The following DFFA variants were observed in gnomAD, a reference collection of about 807,000 sequenced individuals.
DFFA encodes the protein DFF45.
In DFFA, 14 loss-of-function variants were observed where a neutral mutation model predicts 28.0. That is an observed-to-expected ratio of 0.50 (90% CI 0.33 to 0.78). The LOEUF (loss-of-function observed/expected upper bound fraction) is 0.78, where lower values mean the gene tolerates loss of function less well. Among genes scored for constraint, DFFA ranks in the 30% least tolerant of loss-of-function variants. The probability of loss-of-function intolerance (pLI) is 0.02; values close to 1 mark genes in which losing one functional copy is unlikely to be tolerated. For synonymous variants in DFFA, 158 were observed against 170.3 expected (o/e 0.93, Z 0.56); for missense variants, 395 against 407.1 (o/e 0.97, Z 0.26).
chr1:10,466,767 A>G (rs891320933), intron 3 of DFFA, among the ~76,000 whole-genome samples: 2 of 151,824 alleles, frequency 1.3e-5, no homozygotes, highest in Non-Finnish European at 2.9e-5. Flanking sequence ...AGCCTGGCCA[A>G]CATGATGAAA....
chr1:10,465,637 C>T (rs144357578), intron 3 of DFFA, among the ~76,000 whole-genome samples: 18 of 151,696 alleles, frequency 1.2e-4, no homozygotes, highest in East Asian at 1.2e-3. Flanking sequence ...GTGATCTGCC[C>T]GCCCCGGCCT....
rs768061854 is a variant in DFFA, at chr1:10,456,618, ATTATT to A, written c.*4867_*4871del. Reference sequence around the variant, plus strand: ...GGTTTTCTTTTTTCTACAGACTACTATTATTTTATTCTTGTCTCTCTGGAAAATGA... The same window carrying A: ...GGTTTTCTTTTTTCTACAGACTACTATTATTCTTGTCTCTCTGGAAAATGA... On this transcript the variant is annotated 3_prime_UTR_variant, in exon 6 of 6. Transcript: ENST00000377038. 1 of 151,792 alleles carries A rather than the reference ATTATT, an allele frequency of 6.6e-6. No individual in the cohort carries two copies. Among genetic ancestry groups the A allele is most frequent in the East Asian group, 1.9e-4 (1 of 5,174 alleles). The allele number at this position is 151,792 out of a possible 1,614,324, so 9.4% of individuals were successfully genotyped here.
chr1:10,466,479 G>A (rs1641025335), intron 3 of DFFA, among the ~76,000 whole-genome samples: 1 of 151,966 alleles, frequency 6.6e-6, no homozygotes, highest in South Asian at 2.1e-4. Flanking sequence ...GTGAGCCACT[G>A]CACCTGGCCT....
intron 3 of DFFA, among the ~76,000 whole-genome samples, chr1:10,466,116 G>A (rs977706990): frequency 6.6e-6 from 1 of 152,054 alleles, no homozygotes; most frequent in Non-Finnish European, 1.5e-5. Flanking sequence ...CCACTGCACT[G>A]GGTGACAAAG....
At position 10,466,265 on chromosome 1, in the gene DFFA, G is replaced by A. The variant is rs375676032; in HGVS notation, c.441+925C>T. 3.9e-4 allele frequency among the ~76,000 whole-genome samples: 59 copies of A among 152,184 alleles called. 2 individuals are homozygous for A. In the East Asian group the frequency reaches 0.011, roughly 28 times the overall value. On this transcript the variant is annotated intron_variant, in intron 3 of 5. Coordinates refer to ENST00000377038, the MANE Select transcript of DFFA (RefSeq NM_004401.3). ...GTGGTGCGATCTCGGCTCACTGCAA[G>A]CTCCACCTCCTGGGTTCAGGCGATT...
intron 1 of DFFA, among the ~76,000 whole-genome samples, chr1:10,471,642 T>A (rs1235001045): frequency 6.6e-6 from 1 of 152,186 alleles, no homozygotes; most frequent in East Asian, 1.9e-4. Context: ...CTTCTTTGGG[T>A]AAGCGATTTG....
At chr1:10,466,260 T>C (rs1641021036) in intron 3 of DFFA, among the ~76,000 whole-genome samples, 1 of 152,114 alleles carries the variant, frequency 6.6e-6, no homozygotes, top group Admixed American at 6.5e-5. Flanking sequence ...CTCGGCTCAC[T>C]GCAAGCTCCA....
At position 10,463,671 on chromosome 1, in the gene DFFA, CTTT is replaced by C. The variant is rs200149870; in HGVS notation, c.442-54_442-52del. 858 of 1,270,604 alleles carry C rather than the reference CTTT, an allele frequency of 6.8e-4. 8 individuals are homozygous for C. In the East Asian group the frequency reaches 0.017, roughly 25 times the overall value. 78.7% of individuals were successfully genotyped at this position (1,270,604 alleles called of 1,614,324 possible). ...AAATCTACAGGGACTTTCTGACTTT[CTTT>C]TTTTTTTTTGAGACGGAGTCTGCTC... On this transcript the variant is annotated intron_variant, in intron 3 of 5. Coordinates refer to ENST00000377038, the MANE Select transcript of DFFA (RefSeq NM_004401.3).
intron 1 of DFFA, among the ~76,000 whole-genome samples, chr1:10,470,564 A>G (rs1405485125): frequency 3.3e-5 from 5 of 150,150 alleles, no homozygotes; most frequent in Non-Finnish European, 7.4e-5. Flanking sequence ...AGCTGGGATT[A>G]CAGGCGCCCA....
At chr1:10,470,996 G>GAGCTTGCAGTGAGCCGAGAT (rs1553180576) in intron 1 of DFFA, among the ~76,000 whole-genome samples, 2 of 146,886 alleles carry the variant, frequency 1.4e-5, no homozygotes, top group Non-Finnish European at 3.0e-5. Context: ...CCGGGAGGCG[G>GAGCTTGCAGTGAGCCGAGAT]AGCTTGCAGT....
chr1:10,456,647 G>A lies in DFFA; in HGVS notation c.*4843C>T, dbSNP rs1283051716. On this transcript the variant is annotated 3_prime_UTR_variant, in exon 6 of 6. Coordinates refer to ENST00000377038, the MANE Select transcript of DFFA (RefSeq NM_004401.3). ...TTTTATTCTTGTCTCTCTGGAAAAT[G>A]AAAAATCCATTAGTTTTTCTCTTTT... The A allele has an allele frequency of 6.6e-6, 1 of 152,088 alleles. No homozygotes were observed. Among genetic ancestry groups the A allele is most frequent in the Non-Finnish European group, 1.5e-5 (1 of 68,008 alleles). The allele number at this position is 152,088 out of a possible 1,614,324, so 9.4% of individuals were successfully genotyped here. A position where few individuals can be genotyped will look rare whatever the true frequency, so the allele number is the denominator to read the frequency against.
chr1:10,466,665 TA>T (rs903177662), intron 3 of DFFA, among the ~76,000 whole-genome samples: 6 of 148,198 alleles, frequency 4.0e-5, no homozygotes, highest in Non-Finnish European at 4.5e-5. Context: ...GCATTTGTAT[TA>T]AAAAAAAAAT....
At chr1:10,469,136 G>T (rs375541032) in intron 2 of DFFA, 41 bp downstream of exon 2, 17 of 1,593,520 alleles carry the variant, frequency 1.1e-5, no homozygotes, top group Middle Eastern at 1.7e-4. Flanking sequence ...GATGGATGCT[G>T]TACTGCATAG....
chr1:10,472,320 A>G lies in DFFA; in HGVS notation c.136+3T>C. 1 of 1,589,542 alleles carries G rather than the reference A, an allele frequency of 6.3e-7. No individual in the cohort carries two copies. Among genetic ancestry groups the G allele is most frequent in the Non-Finnish European group, 8.6e-7 (1 of 1,164,912 alleles). Reference sequence around the variant, plus strand: ...ACACCCTCGCCCGGGGTCCCGAGCCAACCCTTGCTCCTCAGGTCTTCGAGG... The same window carrying G: ...ACACCCTCGCCCGGGGTCCCGAGCCGACCCTTGCTCCTCAGGTCTTCGAGG... On this transcript the variant is annotated splice_donor_region_variant and intron_variant, in intron 1 of 5. Transcript: ENST00000377038. This position sits in a 1 kb window ranked among gnomAD's most constrained non-coding sequence, Gnocchi z 5.0.
intron 3 of DFFA, among the ~76,000 whole-genome samples, chr1:10,463,881 T>C (rs1026860031): frequency 7.2e-5 from 11 of 152,006 alleles, no homozygotes; most frequent in African/African-American, 2.4e-4. Context: ...GCCAGGCTGG[T>C]CTTGAACTCC....
At chr1:10,462,015 T>C (rs545568858) in intron 5 of DFFA, 810 of 237,460 alleles carry the variant, frequency 3.4e-3, no homozygotes, top group Middle Eastern at 4.1e-3. Flanking sequence ...CGACCACGCC[T>C]GGCTAATTTT....
intron 3 of DFFA, among the ~76,000 whole-genome samples, chr1:10,465,804 G>A (rs1193886540): frequency 2.0e-5 from 3 of 151,732 alleles, no homozygotes; most frequent in Admixed American, 6.6e-5. Context: ...TGATCCTTCT[G>A]CCTCAGTTTC....
Position 10,458,856 on chromosome 1 carries a change from A to C in DFFA, c.*2634T>G, listed in dbSNP as rs550300687. ...CCGGCCTATTGTGACATATTGTGAT[A>C]TTTCTTTCTTTTTTGTGTGACAGTG... is the stretch of plus-strand genomic sequence containing the variant. On this transcript the variant is annotated 3_prime_UTR_variant, in exon 6 of 6. Transcript: ENST00000377038. 8.6e-6 allele frequency: 1 copy of C among 116,708 alleles called. No homozygotes were observed. Among genetic ancestry groups the C allele is most frequent in the South Asian group, 2.7e-4 (1 of 3,714 alleles). The allele number at this position is 116,708 out of a possible 1,614,324, so 7.2% of individuals were successfully genotyped here. A position where few individuals can be genotyped will look rare whatever the true frequency, so the allele number is the denominator to read the frequency against.
chr1:10,461,322 T>TAA lies in DFFA; in HGVS notation c.*166_*167dup. ...GCAGAAGTCCTGAAGCTGGTGGGGC[T>TAA]AAAAAAAAAATTGGTGGAACGGCGT... On this transcript the variant is annotated 3_prime_UTR_variant, in exon 6 of 6. Transcript: ENST00000377038. 23 of 1,021,432 alleles carry TAA rather than the reference T, an allele frequency of 2.3e-5. No homozygotes were observed. The highest frequency in any genetic ancestry group is 2.9e-5 in the Non-Finnish European group (22 of 757,444). 63.3% of individuals were successfully genotyped at this position (1,021,432 alleles called of 1,614,324 possible).
Sources: gnomAD v4.1 joint callset for allele counts (sites outside exome capture counted in the v4.1 genomes callset) on GRCh38, gnomAD v4.1.1 for gene constraint, Gnocchi (gnomAD v3.1) non-coding constraint, MANE v1.5 for transcripts, NCBI Gene and HGNC (gene_info 2026-07-23, HGNC 2026-07-21) for gene names.